The following CTNNA3 variants were observed in gnomAD, a reference collection of about 807,000 sequenced individuals.
The protein encoded by CTNNA3 is catenin alpha-3.
CTNNA3 carries 76 observed loss-of-function variants against 95.7 expected under a neutral mutation model. That is an observed-to-expected ratio of 0.79 (90% CI 0.66 to 0.96). CTNNA3 has a LOEUF of 0.96. Ranked by LOEUF, CTNNA3 falls within the 40% of genes least tolerant of loss-of-function variation. The pLI is 0.00. For missense variants in CTNNA3, 1,191 were observed against 1,089.8 expected, an observed-to-expected ratio of 1.09 and a Z score of -1.31; for synonymous variants, 431 against 374.4, an observed-to-expected ratio of 1.15 and a Z score of -1.74.
chr10:66,071,510 A>C lies in CTNNA3; in HGVS notation c.1978-2021T>G, dbSNP rs571922233. On this transcript the variant is annotated intron_variant, in intron 14 of 17. Transcript: ENST00000433211. ...GATTATAGTGTCAGTCAATGGTAGA[A>C]TCAGGATGTAAATCAGAAAATATAG... 7.9e-5 allele frequency among the ~76,000 whole-genome samples: 12 copies of C among 152,282 alleles called. No individual in the cohort carries two copies. In the South Asian group the frequency reaches 2.5e-3, roughly 32 times the overall value.
chr10:66,314,793 C>A (rs2092075043), intron 12 of CTNNA3, among the ~76,000 whole-genome samples: 5 of 151,928 alleles, frequency 3.3e-5, no homozygotes, highest in Admixed American at 3.3e-4. Context: ...AAATTTCAAG[C>A]CAATCTTTAG....
At chr10:67,207,643 G>A (rs1221991717) in intron 6 of CTNNA3, among the ~76,000 whole-genome samples, 3 of 152,070 alleles carry the variant, frequency 2.0e-5, no homozygotes, top group Admixed American at 1.3e-4. Flanking sequence ...GTTCTAAAGG[G>A]CCACCTACAT....
intron 17 of CTNNA3, among the ~76,000 whole-genome samples, chr10:65,931,086 A>C (rs994430246): frequency 1.3e-5 from 2 of 152,150 alleles, no homozygotes; most frequent in Non-Finnish European, 2.9e-5. Context: ...GGGTCTTTGA[A>C]GATTCAACCA....
intron 12 of CTNNA3, among the ~76,000 whole-genome samples, chr10:66,350,647 A>T (rs992417389): frequency 1.3e-5 from 2 of 151,046 alleles, no homozygotes; most frequent in Non-Finnish European, 3.0e-5. Flanking sequence ...CTGAAGGGTC[A>T]ATTGGGAAAA....
At chr10:66,064,442 T>G (rs1303031797) in intron 15 of CTNNA3, among the ~76,000 whole-genome samples, 1 of 152,202 alleles carries the variant, frequency 6.6e-6, no homozygotes, top group Non-Finnish European at 1.5e-5. Context: ...TTTTGCATCT[T>G]AATTTCTCTT....
At chr10:67,761,574 C>T (rs1378791844) in intron 1 of CTNNA3, among the ~76,000 whole-genome samples, 1 of 152,080 alleles carries the variant, frequency 6.6e-6, no homozygotes, top group Non-Finnish European at 1.5e-5. Flanking sequence ...ATTGAAACCG[C>T]CACATAAAAG....
chr10:67,507,593 A>T (rs1276381362), intron 5 of CTNNA3, among the ~76,000 whole-genome samples: 1 of 152,090 alleles, frequency 6.6e-6, no homozygotes, highest in African/African-American at 2.4e-5. Context: ...ATAATTAAAA[A>T]GTCTCATCAA....
At chr10:66,578,784 CTT>C (rs71035156) in intron 10 of CTNNA3, among the ~76,000 whole-genome samples, 1 of 143,224 alleles carries the variant, frequency 7.0e-6, no homozygotes. Flanking sequence ...ATTTTTCTTT[CTT>C]TTTTTTTTTT....
chr10:66,526,144 T>A (rs375740819), intron 10 of CTNNA3, among the ~76,000 whole-genome samples: 16 of 152,168 alleles, frequency 1.1e-4, no homozygotes, highest in African/African-American at 3.6e-4. Context: ...AGTCTTGGCT[T>A]GCAATTATTT....
chr10:67,546,016 A>C (rs1178243304), intron 3 of CTNNA3, among the ~76,000 whole-genome samples: 1 of 152,178 alleles, frequency 6.6e-6, no homozygotes, highest in East Asian at 1.9e-4. Flanking sequence ...CACCTAAATA[A>C]ATTTCAATAT....
chr10:67,661,064 T>C (rs1840171646), intron 1 of CTNNA3, among the ~76,000 whole-genome samples: 1 of 152,172 alleles, frequency 6.6e-6, no homozygotes. Context: ...TCTTATACCT[T>C]GCTTGTGGAT....
chr10:67,110,357 G>T (rs1858859061), intron 7 of CTNNA3, among the ~76,000 whole-genome samples: 1 of 151,820 alleles, frequency 6.6e-6, no homozygotes, highest in Non-Finnish European at 1.5e-5. Flanking sequence ...ACTCCACTTG[G>T]CTTACAAAAA....
At chr10:67,536,574 C>T (rs1195225703) in intron 4 of CTNNA3, among the ~76,000 whole-genome samples, 1 of 152,088 alleles carries the variant, frequency 6.6e-6, no homozygotes, top group Non-Finnish European at 1.5e-5. Flanking sequence ...TTGTCATAAA[C>T]ATTATTAGAA....
chr10:67,638,556 A>T (rs1839407809), intron 2 of CTNNA3, among the ~76,000 whole-genome samples: 1 of 152,232 alleles, frequency 6.6e-6, no homozygotes, highest in Non-Finnish European at 1.5e-5. Context: ...CAGAATATAC[A>T]TTCTTCTCAG....
At chr10:67,370,949 C>A (rs1303847069) in intron 5 of CTNNA3, among the ~76,000 whole-genome samples, 1 of 148,368 alleles carries the variant, frequency 6.7e-6, no homozygotes, top group African/African-American at 2.5e-5. Context: ...TCACTGCAAG[C>A]TGCGCCTCCC....
At chr10:67,066,981 G>A (rs1265533580) in intron 7 of CTNNA3, among the ~76,000 whole-genome samples, 2 of 152,138 alleles carry the variant, frequency 1.3e-5, no homozygotes, top group Non-Finnish European at 2.9e-5. Context: ...TAATTTAACA[G>A]AGTGAAATTT....
At chr10:66,563,844 A>G (rs1288467336) in intron 10 of CTNNA3, among the ~76,000 whole-genome samples, 2 of 152,142 alleles carry the variant, frequency 1.3e-5, no homozygotes, top group East Asian at 3.9e-4. Flanking sequence ...GTATTCAGTG[A>G]AAGGATAATC....
At chr10:67,570,905 T>C (rs981474604) in intron 3 of CTNNA3, among the ~76,000 whole-genome samples, 1 of 152,150 alleles carries the variant, frequency 6.6e-6, no homozygotes, top group African/African-American at 2.4e-5. Flanking sequence ...TTATGTGGGA[T>C]AGATGGAAAG....
intron 10 of CTNNA3, among the ~76,000 whole-genome samples, chr10:66,610,288 G>A (rs1474801281): frequency 2.0e-5 from 3 of 151,982 alleles, no homozygotes; most frequent in African/African-American, 4.8e-5. Context: ...CCCGTGACAT[G>A]AGCTTACCCT....
Sources: gnomAD v4.1 joint callset for allele counts (sites outside exome capture counted in the v4.1 genomes callset) on GRCh38, gnomAD v4.1.1 for gene constraint, MANE v1.5 for transcripts, NCBI Gene and HGNC (gene_info 2026-07-23, HGNC 2026-07-21) for gene names.